ALDH6A1: variants seen among roughly 807,000 people sequenced by gnomAD.
ALDH6A1 encodes the protein methylmalonate-semialdehyde/malonate-semialdehyde dehydrogenase [acylating], mitochondrial.
In ALDH6A1, 43 loss-of-function variants were observed where a neutral mutation model predicts 62.6. That is an observed-to-expected ratio of 0.69 (90% CI 0.54 to 0.89). The LOEUF is 0.89. Among genes scored for constraint, ALDH6A1 ranks in the 40% least tolerant of loss-of-function variants. The pLI, the probability that ALDH6A1 is intolerant of heterozygous loss-of-function variation, is 0.00. For missense variants in ALDH6A1, 551 were observed against 661.3 expected, an observed-to-expected ratio of 0.83 and a Z score of 1.83; for synonymous variants, 194 against 234.2, an observed-to-expected ratio of 0.83 and a Z score of 1.57.
chr14:74,061,613 A>C (rs940897454), intron 11 of ALDH6A1, among the ~76,000 whole-genome samples: 1 of 152,180 alleles, frequency 6.6e-6, no homozygotes, highest in African/African-American at 2.4e-5. Context: ...GGCATGAGCC[A>C]CTGTACCCAG....
At chr14:74,065,639 G>T (rs941169554) in intron 9 of ALDH6A1, 2 of 379,730 alleles carry the variant, frequency 5.3e-6, no homozygotes, top group Non-Finnish European at 9.7e-6. Context: ...ATCATCAGCT[G>T]CCTTTTTAAT....
At chr14:74,081,752 C>T (rs2060669920) in intron 1 of ALDH6A1, among the ~76,000 whole-genome samples, 1 of 152,106 alleles carries the variant, frequency 6.6e-6, no homozygotes, top group Admixed American at 6.6e-5. Flanking sequence ...TCACTTATTG[C>T]AGTACAATAA....
chr14:74,081,576 A>C (rs1386687014), intron 1 of ALDH6A1, among the ~76,000 whole-genome samples: 1 of 152,156 alleles, frequency 6.6e-6, no homozygotes, highest in Admixed American at 6.5e-5. Flanking sequence ...TGAAGAAACT[A>C]TCCTGTGGCC....
chr14:74,064,859 G>A lies in ALDH6A1; in HGVS notation c.1466C>T (p.Ser489Phe), dbSNP rs771812184. 1 of 1,613,974 alleles carries A rather than the reference G, an allele frequency of 6.2e-7. No individual in the cohort carries two copies. The highest frequency in any genetic ancestry group is 8.5e-7 in the Non-Finnish European group (1 of 1,180,028). ...LPMFSFTGSR[S>F]SFRGDTNFYG... ...GAAATTGGTGTCTCCCCTGAAGGAG[G>A]ATCGAGAGCCGGTGAATGAGAACAT... Residue 489 changes from serine to phenylalanine, a missense_variant, in exon 11 of 12, where the codon TCC (serine) becomes TTC (phenylalanine). Physicochemically the swap from Ser to Phe is radical, Grantham distance 155. Transcript: ENST00000553458.
Position 74,060,533 on chromosome 14 carries a change from C to T in ALDH6A1, c.*109G>A. 1 of 854,150 alleles carries T rather than the reference C, an allele frequency of 1.2e-6. No homozygotes were observed. The highest frequency in any genetic ancestry group is 2.0e-6 in the Non-Finnish European group (1 of 497,258). The allele number at this position is 854,150 out of a possible 1,614,324, so 52.9% of individuals were successfully genotyped here. On this transcript the variant is annotated 3_prime_UTR_variant, in exon 12 of 12. Transcript: ENST00000553458. ...ATAGTCCTGAGGAAGATTTTAGTTACAATGTATTCCAATCCCATCGATCTG... is the reference window on the plus strand; with the variant it reads ...ATAGTCCTGAGGAAGATTTTAGTTATAATGTATTCCAATCCCATCGATCTG...
At chr14:74,060,934 T>C (rs1159594291) in intron 11 of ALDH6A1, among the ~76,000 whole-genome samples, 188 bp from the exon 12 acceptor site, 1 of 152,050 alleles carries the variant, frequency 6.6e-6, no homozygotes, top group African/African-American at 2.4e-5. Context: ...TGGCAGATAG[T>C]AAACAATCAA....
In ALDH6A1 at chr14:74,084,405, C is replaced by G. The variant is rs748972857; in HGVS notation, c.-11G>C. Reference sequence around the variant, plus strand: ...CAATAGCGCCGCCATGGCTCTCGGCCGCCCTAGCTCCGCACCCCGCGCCTC... The same window carrying G: ...CAATAGCGCCGCCATGGCTCTCGGCGGCCCTAGCTCCGCACCCCGCGCCTC... On this transcript the variant is annotated 5_prime_UTR_variant, in exon 1 of 12. Transcript: ENST00000553458. 10 of 1,612,738 alleles carry G rather than the reference C, an allele frequency of 6.2e-6. No homozygotes were observed. The Admixed American group carries it at 8.3e-5, about 13-fold the overall frequency.
chr14:74,065,531 A>G (rs2060447872), intron 9 of ALDH6A1, 171 bp from the exon 10 acceptor site: 4 of 652,960 alleles, frequency 6.1e-6, no homozygotes, highest in Non-Finnish European at 1.1e-5. Context: ...TCTCAAGTGT[A>G]TTCCGTCTTC....
rs2060427441 is a variant in ALDH6A1, at chr14:74,064,587, C to T, written c.1503+235G>A. 3.5e-6 allele frequency: 4 copies of T among 1,148,470 alleles called. No homozygotes were observed. The East Asian group carries it at 9.4e-5, about 27-fold the overall frequency. The allele number at this position is 1,148,470 out of a possible 1,614,324, so 71.1% of individuals were successfully genotyped here. A position where few individuals can be genotyped will look rare whatever the true frequency, so the allele number is the denominator to read the frequency against. ...ACTCAGGAAATGGCATATACAAAGG[C>T]TTAGACTTCCCCATGCTCTTTCCTC... On this transcript the variant is annotated intron_variant, in intron 11 of 11. Transcript: ENST00000553458.
chr14:74,071,754 G>T (rs771107285), intron 5 of ALDH6A1, 142 bp downstream of exon 5: 96 of 1,438,772 alleles, frequency 6.7e-5, no homozygotes, highest in Non-Finnish European at 8.6e-5. Context: ...ACTGAATACT[G>T]CCATTTTTCA....
rs780303939 is a variant in ALDH6A1 at position 74,064,638 on chromosome 14, A to G, written c.1503+184T>C. ...AAAACTTTGTTGCTTTGAATTATTC[A>G]GGAAGAAGCAGCTTTGGCAAAATTT... is the stretch of plus-strand genomic sequence containing the variant. On this transcript the variant is annotated intron_variant, in intron 11 of 11. Transcript: ENST00000553458. 5 of 1,589,336 alleles carry G rather than the reference A, an allele frequency of 3.1e-6. No homozygotes were observed. In the East Asian group the frequency reaches 1.1e-4, roughly 35 times the overall value.
At chr14:74,076,030 T>G (rs751570888) in intron 1 of ALDH6A1, among the ~76,000 whole-genome samples, 8 of 152,172 alleles carry the variant, frequency 5.3e-5, no homozygotes, top group African/African-American at 9.7e-5. Context: ...CAAACAAATC[T>G]GTAATATCAG....
At chr14:74,074,493 G>T (rs914246037) in intron 2 of ALDH6A1, among the ~76,000 whole-genome samples, 1 of 148,350 alleles carries the variant, frequency 6.7e-6, no homozygotes, top group Non-Finnish European at 1.5e-5. Flanking sequence ...CCCCATGTTG[G>T]CCAGGATGGT....
chr14:74,082,957 A>G (rs2060685423), intron 1 of ALDH6A1: 1 of 152,204 alleles, frequency 6.6e-6, no homozygotes, highest in Non-Finnish European at 1.5e-5. Context: ...AAAGGAAAAA[A>G]GCCAATTTCA....
intron 11 of ALDH6A1, among the ~76,000 whole-genome samples, chr14:74,064,284 C>T (rs1440350803): frequency 4.3e-5 from 6 of 138,124 alleles, no homozygotes; most frequent in Admixed American, 1.5e-4. Flanking sequence ...GGCAACAGAG[C>T]GAGACTGTGT....
At chr14:74,062,231 A>G (rs923306886) in intron 11 of ALDH6A1, among the ~76,000 whole-genome samples, 1 of 151,900 alleles carries the variant, frequency 6.6e-6, no homozygotes, top group African/African-American at 2.4e-5. Flanking sequence ...GTGGGCAGGG[A>G]ACAATTTTTA....
Position 74,057,066 on chromosome 14 carries a change from A to G in ALDH6A1, c.*3576T>C. ...CTTGAATGTGCTAATTGAAAGTAAT[A>G]TGACAAGTCTGTTATTCTAAACCAG... On this transcript the variant is annotated 3_prime_UTR_variant, in exon 12 of 12. Coordinates refer to ENST00000553458, the MANE Select transcript of ALDH6A1 (RefSeq NM_005589.4). 6.3e-7 allele frequency: 1 copy of G among 1,593,832 alleles called. No individual in the cohort carries two copies. Among genetic ancestry groups the G allele is most frequent in the South Asian group, 1.1e-5 (1 of 89,986 alleles).
rs1341023954 is a variant in ALDH6A1, at chr14:74,064,899, G to C, written c.1426C>G (p.Pro476Ala). The change falls in exon 11 of 12, where the codon CCA becomes GCA. Residue 476 changes from proline to alanine, a missense_variant. Pro to Ala is a conservative substitution (Grantham distance 27). Transcript: ENST00000553458. ...VGQVGVNVPI[P>A]VPLPMFSFTG... Reference sequence around the variant, plus strand: ...AATGAGAACATTGGCAAAGGCACTGGAATGGGGACATTCACTCCCACCTAA... The same window carrying C: ...AATGAGAACATTGGCAAAGGCACTGCAATGGGGACATTCACTCCCACCTAA... The C allele has an allele frequency of 6.2e-7, 1 of 1,613,982 alleles. No homozygotes were observed. Among genetic ancestry groups the C allele is most frequent in the Non-Finnish European group, 8.5e-7 (1 of 1,179,934 alleles).
At chr14:74,075,685 ATAAG>A (rs1300127917) in intron 1 of ALDH6A1, among the ~76,000 whole-genome samples, 2 of 152,134 alleles carry the variant, frequency 1.3e-5, no homozygotes, top group East Asian at 3.8e-4. Context: ...AAATATAAAT[ATAAG>A]TAATAGAGTA....
Sources: allele counts gnomAD v4.1 joint callset (sites outside exome capture counted in the v4.1 genomes callset), GRCh38; gene constraint gnomAD v4.1.1; transcripts MANE v1.5; gene names NCBI Gene and HGNC (gene_info 2026-07-23, HGNC 2026-07-21).